The following TBX15 variants were observed in gnomAD, a reference collection of about 807,000 sequenced individuals.
The protein encoded by TBX15 is T-box transcription factor TBX15.
A neutral mutation model predicts 53.9 loss-of-function variants in TBX15; 18 were observed. The ratio of observed to expected loss-of-function variants is 0.33; its 90% confidence interval spans 0.23 to 0.49. The LOEUF (loss-of-function observed/expected upper bound fraction) is 0.49. Among genes scored for constraint, TBX15 ranks in the 20% least tolerant of loss-of-function variants. The probability of loss-of-function intolerance (pLI) is 0.98; values close to 1 mark genes in which losing one functional copy is unlikely to be tolerated. For missense variants in TBX15, 692 were observed against 749.5 expected (o/e 0.92, Z 0.90); for synonymous variants, 295 against 278.0 (o/e 1.06, Z -0.61).
intron 1 of TBX15, among the ~76,000 whole-genome samples, chr1:118,936,848 A>G (rs1220173682): frequency 6.6e-6 from 1 of 152,196 alleles, no homozygotes; most frequent in Non-Finnish European, 1.5e-5. Flanking sequence ...AGCACAGAAG[A>G]CTACATTTAA....
At chr1:118,974,702 TA>T (rs1430924236) in intron 1 of TBX15, among the ~76,000 whole-genome samples, 4 of 152,308 alleles carry the variant, frequency 2.6e-5, no homozygotes, top group African/African-American at 9.6e-5. Flanking sequence ...AAATAACTGC[TA>T]CCATACCAAA....
chr1:118,939,407 CAAAAAAAA>C lies in TBX15; in HGVS notation c.206-7583_206-7576del, dbSNP rs869094141. Among the ~76,000 whole-genome samples the C allele has an allele frequency of 1.6e-3, 14 of 8,876 alleles. No homozygotes were observed. In the Admixed American group the frequency reaches 0.019, roughly 12 times the overall value. The allele number at this position is 8,876 out of a possible 152,430, so 5.8% of individuals were successfully genotyped here. A position where few individuals can be genotyped will look rare whatever the true frequency, so the allele number is the denominator to read the frequency against. ...AGGGCAACAGAATGAGATCTAGTCT[CAAAAAAAA>C]AAAAAAAAAAAAAAAAAAAAACAAA... is the stretch of plus-strand genomic sequence containing the variant. On this transcript the variant is annotated intron_variant, in intron 1 of 7. Transcript: ENST00000369429.
intron 6 of TBX15, among the ~76,000 whole-genome samples, chr1:118,900,529 C>G (rs927502683): frequency 5.3e-5 from 8 of 152,150 alleles, no homozygotes; most frequent in Admixed American, 5.2e-4. Context: ...TTTCTAAAGT[C>G]TTCCCTGGAA....
intron 7 of TBX15, among the ~76,000 whole-genome samples, chr1:118,892,199 C>T (rs1374886074): frequency 6.6e-6 from 1 of 152,134 alleles, no homozygotes; most frequent in African/African-American, 2.4e-5. Flanking sequence ...TAGAAAAATA[C>T]ATAATCTCTT....
intron 1 of TBX15, among the ~76,000 whole-genome samples, chr1:118,971,200 C>T (rs1378971093): frequency 6.6e-6 from 1 of 152,206 alleles, no homozygotes; most frequent in Non-Finnish European, 1.5e-5. Flanking sequence ...AAAAAAGACT[C>T]CATGAGCATT....
In TBX15 at chr1:118,972,551, T is replaced by A. The variant is rs117133071; in HGVS notation, c.205+15040A>T. Among the ~76,000 whole-genome samples, 141 of 152,144 alleles carry A rather than the reference T, an allele frequency of 9.3e-4. 2 individuals carry two copies. In the East Asian group the frequency reaches 0.026, roughly 28 times the overall value. On this transcript the variant is annotated intron_variant, in intron 1 of 7. Coordinates refer to ENST00000369429, the MANE Select transcript of TBX15 (RefSeq NM_001330677.2). ...AAAGTAGGCGAGGAGGGTAGTTTGG[T>A]AGTTTGGGACCATCTTGTGCCAACA...
chr1:118,912,235 ATAGTTTAAT>A (rs1347467215), intron 6 of TBX15, among the ~76,000 whole-genome samples: 4 of 152,236 alleles, frequency 2.6e-5, no homozygotes, highest in Non-Finnish European at 5.9e-5. Context: ...AAAGAAAGAA[ATAGTTTAAT>A]AACTAACACC....
chr1:118,969,673 A>G (rs1657167900), intron 1 of TBX15, among the ~76,000 whole-genome samples: 2 of 152,216 alleles, frequency 1.3e-5, no homozygotes, highest in African/African-American at 2.4e-5. Flanking sequence ...AACAATTCCT[A>G]GAGTCTGTTG....
chr1:118,983,474 A>G (rs1203662313), intron 1 of TBX15, among the ~76,000 whole-genome samples: 1 of 151,996 alleles, frequency 6.6e-6, no homozygotes, highest in African/African-American at 2.4e-5. Flanking sequence ...AGATCCGATC[A>G]GTGCGCAGAA....
Position 118,934,241 on chromosome 1 carries a change from T to C in TBX15, c.206-2409A>G, listed in dbSNP as rs143117941. Among the ~76,000 whole-genome samples, 315 of 152,260 alleles carry C rather than the reference T, an allele frequency of 2.1e-3. 4 individuals carry two copies. Among genetic ancestry groups the C allele is most frequent in the African/African-American group, 7.3e-3 (304 of 41,548 alleles). On this transcript the variant is annotated intron_variant, in intron 1 of 7. Transcript: ENST00000369429. ...CTTAAGGATTACACCTCTAATGACC[T>C]GAATGTAAGAATCCTCCCCAGTGCA...
intron 4 of TBX15, among the ~76,000 whole-genome samples, 166 bp downstream of exon 4, chr1:118,924,480 A>C (rs928221601): frequency 1.3e-5 from 2 of 152,214 alleles, no homozygotes; most frequent in Non-Finnish European, 2.9e-5. Context: ...TTTGTAATAA[A>C]TGGAATTTAA....
chr1:118,903,211 C>A (rs1654694596), intron 6 of TBX15, among the ~76,000 whole-genome samples: 1 of 151,970 alleles, frequency 6.6e-6, no homozygotes, highest in Non-Finnish European at 1.5e-5. Context: ...TGCTCACTAG[C>A]CAAACCAACA....
chr1:118,929,112 T>C (rs1488389393), intron 2 of TBX15, among the ~76,000 whole-genome samples: 1 of 152,254 alleles, frequency 6.6e-6, no homozygotes, highest in East Asian at 1.9e-4. Flanking sequence ...GCCAGTTCTT[T>C]TGTCTTCTAA....
chr1:118,935,219 C>A (rs546316876), intron 1 of TBX15, among the ~76,000 whole-genome samples: 2 of 151,978 alleles, frequency 1.3e-5, no homozygotes, highest in Non-Finnish European at 2.9e-5. Flanking sequence ...TTTGGCTAAC[C>A]AGATCAAAAT....
At chr1:118,915,809 G>A (rs1415627024) in intron 5 of TBX15, among the ~76,000 whole-genome samples, 1 of 152,162 alleles carries the variant, frequency 6.6e-6, no homozygotes, top group Non-Finnish European at 1.5e-5. Flanking sequence ...ACATGACTGT[G>A]ATACCATGTT....
intron 1 of TBX15, among the ~76,000 whole-genome samples, chr1:118,962,669 T>C (rs1462137486): frequency 6.6e-6 from 1 of 152,198 alleles, no homozygotes; most frequent in Non-Finnish European, 1.5e-5. Flanking sequence ...CATGTCCCCA[T>C]AAAGTGTAAC....
rs1251986050 is a variant in TBX15, at chr1:118,962,957, G to A, written c.205+24634C>T. ...TAAAACTAAAACTTTCTAGAAAAGGGAAGAATGAAACTTTTAAGGAAGATG... is the reference window on the plus strand; with the variant it reads ...TAAAACTAAAACTTTCTAGAAAAGGAAAGAATGAAACTTTTAAGGAAGATG... On this transcript the variant is annotated intron_variant, in intron 1 of 7. Coordinates refer to ENST00000369429, the MANE Select transcript of TBX15 (RefSeq NM_001330677.2). Among the ~76,000 whole-genome samples the A allele has an allele frequency of 6.6e-5, 10 of 152,310 alleles. No individual in the cohort carries two copies. In the East Asian group the frequency reaches 1.9e-3, roughly 29 times the overall value.
At chr1:118,986,328 T>C (rs543087812) in intron 1 of TBX15, among the ~76,000 whole-genome samples, 1 of 152,284 alleles carries the variant, frequency 6.6e-6, no homozygotes, top group Non-Finnish European at 1.5e-5. Flanking sequence ...GCTTGGACGG[T>C]CGAAATAAAT....
chr1:118,940,216 G>T (rs1389690860), intron 1 of TBX15, among the ~76,000 whole-genome samples: 1 of 151,890 alleles, frequency 6.6e-6, no homozygotes, highest in African/African-American at 2.4e-5. Flanking sequence ...GGTCTGATGG[G>T]AATTTTCCCC....
Sources: gnomAD v4.1 joint callset for allele counts (sites outside exome capture counted in the v4.1 genomes callset) on GRCh38, gnomAD v4.1.1 for gene constraint, MANE v1.5 for transcripts, NCBI Gene and HGNC (gene_info 2026-07-23, HGNC 2026-07-21) for gene names.